RAP1B: variants seen among roughly 807,000 people sequenced by gnomAD.
The protein encoded by RAP1B is ras-related protein Rap-1b.
RAP1B carries 1 observed loss-of-function variant against 27.5 expected under a neutral mutation model. The ratio of observed to expected loss-of-function variants is 0.04; its 90% CI spans 0.01 to 0.17. The LOEUF (loss-of-function observed/expected upper bound fraction) is 0.17, where lower values mean the gene tolerates loss of function less well. Among genes scored for constraint, RAP1B ranks in the 10% least tolerant of loss-of-function variants. The pLI is 1.00. For missense variants in RAP1B, 84 were observed against 214.8 expected (o/e 0.39, Z 3.81); for synonymous variants, 75 against 73.1 (o/e 1.03, Z -0.13).
In RAP1B at chr12:68,668,046, C is replaced by G. The variant is rs890842771; in HGVS notation, c.*8797C>G. ...GAAGTGGCATCCACTACCCCTCCCCCATCCTTCCACTCTGAACCAGTACAG... is the reference window on the plus strand; with the variant it reads ...GAAGTGGCATCCACTACCCCTCCCCGATCCTTCCACTCTGAACCAGTACAG... On this transcript the variant is annotated 3_prime_UTR_variant, in exon 8 of 8. Coordinates refer to ENST00000250559, the MANE Select transcript of RAP1B (RefSeq NM_001010942.3). 3 of 152,244 alleles carry G rather than the reference C, an allele frequency of 2.0e-5. No homozygotes were observed. The highest frequency in any genetic ancestry group is 7.2e-5 in the African/African-American group (3 of 41,456). The allele number at this position is 152,244 out of a possible 1,614,324, so 9.4% of individuals were successfully genotyped here.
At chr12:68,648,577 A>G in intron 1 of RAP1B, 122 bp from the exon 2 acceptor site, 3 of 775,398 alleles carry the variant, frequency 3.9e-6, no homozygotes, top group East Asian at 2.7e-5. Flanking sequence ...AGGGTGCTCC[A>G]TACTAGGGTT....
chr12:68,630,710 C>G (rs946030055), intron 1 of RAP1B, among the ~76,000 whole-genome samples: 6 of 151,790 alleles, frequency 4.0e-5, no homozygotes, highest in African/African-American at 1.5e-4. Flanking sequence ...CAGGTTCTCA[C>G]TCTGTCACCC....
At chr12:68,652,303 A>G (rs999588056) in intron 4 of RAP1B, among the ~76,000 whole-genome samples, 9 of 151,862 alleles carry the variant, frequency 5.9e-5, no homozygotes, top group African/African-American at 1.9e-4. Context: ...AAAATTAGCC[A>G]GGTGTGGTGG....
chr12:68,625,360 A>G (rs562422542), intron 1 of RAP1B, among the ~76,000 whole-genome samples: 1 of 152,260 alleles, frequency 6.6e-6, no homozygotes, highest in South Asian at 2.1e-4. Flanking sequence ...TTATAACACA[A>G]TTAGCTGCAT....
At position 68,616,027 on chromosome 12, in the gene RAP1B, G is replaced by A. The variant is rs552174076; in HGVS notation, c.-27+4984G>A. Among the ~76,000 whole-genome samples the A allele has an allele frequency of 2.1e-3, 313 of 151,118 alleles. 1 individual carries two copies. Among genetic ancestry groups the A allele is most frequent in the African/African-American group, 6.5e-3 (268 of 41,166 alleles). ...CGCCCAGGCTGGAGTGCAGTGGCACGGTCTCCGCTCACTGCAAGCTCCGCC... is the reference window on the plus strand; with the variant it reads ...CGCCCAGGCTGGAGTGCAGTGGCACAGTCTCCGCTCACTGCAAGCTCCGCC... On this transcript the variant is annotated intron_variant, in intron 1 of 7. Coordinates refer to ENST00000250559, the MANE Select transcript of RAP1B (RefSeq NM_001010942.3).
chr12:68,625,882 G>A (rs1203283736), intron 1 of RAP1B, among the ~76,000 whole-genome samples: 11 of 151,200 alleles, frequency 7.3e-5, no homozygotes, highest in African/African-American at 9.7e-5. Context: ...AGATCGTGCC[G>A]CTGCACTCCA....
chr12:68,655,535 CTTTTTTTTT>C (rs35350174), intron 5 of RAP1B, among the ~76,000 whole-genome samples: 22 of 125,596 alleles, frequency 1.8e-4, no homozygotes, highest in African/African-American at 5.6e-4. Flanking sequence ...TTTTGATTGG[CTTTTTTTTT>C]TTTTTTTTTG....
intron 4 of RAP1B, 147 bp downstream of exon 4, chr12:68,652,198 C>T: frequency 1.8e-6 from 1 of 569,524 alleles, no homozygotes; most frequent in Non-Finnish European, 3.0e-6. Context: ...CTATTCCCAG[C>T]ACTTCGGGAG....
At chr12:68,645,301 T>C (rs1346717989) in intron 1 of RAP1B, among the ~76,000 whole-genome samples, 1 of 152,214 alleles carries the variant, frequency 6.6e-6, no homozygotes, top group African/African-American at 2.4e-5. Flanking sequence ...AAACCACAAT[T>C]TGAAACTTAG....
chr12:68,620,640 A>G (rs1398045006), intron 1 of RAP1B, among the ~76,000 whole-genome samples: 6 of 147,208 alleles, frequency 4.1e-5, no homozygotes, highest in South Asian at 4.2e-4. Flanking sequence ...TCTCACTGTC[A>G]TCTAGGCTTG....
At chr12:68,642,668 C>G (rs894286009) in intron 1 of RAP1B, 2 of 1,138,238 alleles carry the variant, frequency 1.8e-6, no homozygotes, top group South Asian at 2.5e-5. Context: ...TTCTACAATC[C>G]TGGCCTTTGA....
At chr12:68,652,406 G>A (rs1003815284) in intron 4 of RAP1B, among the ~76,000 whole-genome samples, 2 of 151,934 alleles carry the variant, frequency 1.3e-5, no homozygotes, top group East Asian at 3.9e-4. Context: ...AGACTGTGGA[G>A]ATTGTGCCAC....
rs1874779971 is a variant in RAP1B, at chr12:68,664,790, A to G, written c.*5541A>G. ...ATGGGAAAGACCAGTCAAATAAACT[A>G]TCAGATCTAATAACTTTTCTAACCA... On this transcript the variant is annotated 3_prime_UTR_variant, in exon 8 of 8. Transcript: ENST00000250559. The G allele has an allele frequency of 6.6e-6, 1 of 152,232 alleles. No homozygotes were observed. Among genetic ancestry groups the G allele is most frequent in the African/African-American group, 2.4e-5 (1 of 41,462 alleles). 9.4% of individuals were successfully genotyped at this position (152,232 alleles called of 1,614,324 possible).
intron 1 of RAP1B, among the ~76,000 whole-genome samples, chr12:68,638,931 G>A (rs957864332): frequency 1.1e-4 from 16 of 152,298 alleles, no homozygotes; most frequent in African/African-American, 3.6e-4. Flanking sequence ...AAAGTGCTGG[G>A]ATTACAGACA....
At chr12:68,624,166 A>G (rs1466068701) in intron 1 of RAP1B, among the ~76,000 whole-genome samples, 1 of 152,204 alleles carries the variant, frequency 6.6e-6, no homozygotes, top group Non-Finnish European at 1.5e-5. Flanking sequence ...TTGCCAAGGA[A>G]TTGTTTGACC....
intron 6 of RAP1B, chr12:68,656,776 C>T: frequency 1.9e-6 from 1 of 525,618 alleles, no homozygotes; most frequent in Non-Finnish European, 3.3e-6. Flanking sequence ...ATGCATGGTT[C>T]TTGAAAGGCT....
chr12:68,633,431 A>G (rs1872407349), intron 1 of RAP1B, among the ~76,000 whole-genome samples: 1 of 152,234 alleles, frequency 6.6e-6, no homozygotes, highest in African/African-American at 2.4e-5. Flanking sequence ...TTTATTCTGT[A>G]GACCCTGCTT....
intron 4 of RAP1B, among the ~76,000 whole-genome samples, chr12:68,652,466 T>C (rs1337440445): frequency 6.6e-6 from 1 of 151,992 alleles, no homozygotes; most frequent in Non-Finnish European, 1.5e-5. Context: ...AAAAAAAACA[T>C]AAGACTACTA....
intron 1 of RAP1B, among the ~76,000 whole-genome samples, chr12:68,611,578 C>T (rs985448059): frequency 6.6e-6 from 1 of 152,120 alleles, no homozygotes; most frequent in Non-Finnish European, 1.5e-5. Flanking sequence ...TCGGGGGAAA[C>T]CACTCCCAGG....
Sources: gnomAD v4.1 joint callset for allele counts (sites outside exome capture counted in the v4.1 genomes callset) on GRCh38, gnomAD v4.1.1 for gene constraint, MANE v1.5 for transcripts, NCBI Gene and HGNC (gene_info 2026-07-23, HGNC 2026-07-21) for gene names.